ETV5: variants seen among roughly 807,000 people sequenced by gnomAD.
ETV5 encodes ETS translocation variant 5.
A neutral mutation model predicts 70.0 loss-of-function variants in ETV5; 10 were observed. The observed-to-expected ratio is 0.14, with a 90% CI of 0.09 to 0.24. The LOEUF (loss-of-function observed/expected upper bound fraction) is 0.24, where lower values mean the gene tolerates loss of function less well. ETV5 is among the 10% of genes least tolerant of loss of function. The pLI, the probability that ETV5 is intolerant of heterozygous loss-of-function variation, is 1.00. For missense variants in ETV5, 453 were observed against 651.2 expected, an observed-to-expected ratio of 0.70 and a Z score of 3.31; for synonymous variants, 216 against 242.2, an observed-to-expected ratio of 0.89 and a Z score of 1.01.
In ETV5 at chr3:186,052,145, A is replaced by G; in HGVS notation, c.1210-14T>C. On this transcript the variant is annotated splice_polypyrimidine_tract_variant and intron_variant, in intron 11 of 12. Coordinates refer to ENST00000306376, the MANE Select transcript of ETV5 (RefSeq NM_004454.3). The surrounding 1 kb of genome is among the most constrained non-coding windows in gnomAD (Gnocchi z 4.5). ...GCGCCGAGCAACCTGAAGAGACAGG[A>G]AAGTGAAGAGCAATGGAAACGCATT... 2.5e-6 allele frequency: 4 copies of G among 1,613,042 alleles called. No individual in the cohort carries two copies. Among genetic ancestry groups the G allele is most frequent in the African/African-American group, 2.7e-5 (2 of 75,008 alleles).
chr3:186,102,482 A>C (rs1004780530), intron 5 of ETV5, among the ~76,000 whole-genome samples: 2 of 151,726 alleles, frequency 1.3e-5, no homozygotes, highest in African/African-American at 4.8e-5. Context: ...AAAATACAAA[A>C]ATTAGCCAGG....
chr3:186,071,653 A>C (rs951955095), intron 7 of ETV5, among the ~76,000 whole-genome samples: 2 of 152,174 alleles, frequency 1.3e-5, no homozygotes, highest in African/African-American at 4.8e-5. Flanking sequence ...CCAAGCTAAA[A>C]TCAGAAGATA....
At chr3:186,053,976 C>G (rs539147026) in intron 11 of ETV5, among the ~76,000 whole-genome samples, 1 of 152,316 alleles carries the variant, frequency 6.6e-6, no homozygotes, top group East Asian at 1.9e-4. Context: ...GGGTGGAAAA[C>G]AATCCTTGAA....
At chr3:186,063,221 G>C (rs975539260) in intron 9 of ETV5, among the ~76,000 whole-genome samples, 4 of 152,178 alleles carry the variant, frequency 2.6e-5, no homozygotes, top group Non-Finnish European at 5.9e-5. Flanking sequence ...AGTGAGCGGA[G>C]ATCATGCCAC....
At chr3:186,076,172 G>A in intron 7 of ETV5, 1 of 226,442 alleles carries the variant, frequency 4.4e-6, no homozygotes, top group East Asian at 6.4e-5. Context: ...TTGTGGGGAG[G>A]AAATCACTGG....
intron 7 of ETV5, among the ~76,000 whole-genome samples, chr3:186,074,275 A>G (rs1054189202): frequency 2.0e-5 from 3 of 152,208 alleles, no homozygotes; most frequent in African/African-American, 7.2e-5. Context: ...AATTTATTCA[A>G]CTAAATAGAA....
chr3:186,083,090 A>C (rs1318611153), intron 5 of ETV5, among the ~76,000 whole-genome samples: 1 of 152,262 alleles, frequency 6.6e-6, no homozygotes, highest in Non-Finnish European at 1.5e-5. Context: ...TCAGACACAG[A>C]AAATAGCGAA....
chr3:186,064,238 A>G lies in ETV5; in HGVS notation c.970+179T>C, dbSNP rs373452750. The stretch of plus-strand genomic sequence containing the variant: ...CAATCAGCTCTCATATTCATGAGCT[A>G]AGCAAGGTTTAAACTATGATCTCAA... On this transcript the variant is annotated intron_variant, in intron 9 of 12. Coordinates refer to ENST00000306376, the MANE Select transcript of ETV5 (RefSeq NM_004454.3). 3.8e-5 allele frequency: 24 copies of G among 624,426 alleles called. No homozygotes were observed. In the African/African-American group the frequency reaches 3.9e-4, roughly 10 times the overall value. 38.7% of individuals were successfully genotyped at this position (624,426 alleles called of 1,614,324 possible). A position where few individuals can be genotyped will look rare whatever the true frequency, so the allele number is the denominator to read the frequency against.
chr3:186,091,510 C>A (rs373955335), intron 5 of ETV5, among the ~76,000 whole-genome samples: 1 of 152,034 alleles, frequency 6.6e-6, no homozygotes, highest in Non-Finnish European at 1.5e-5. Flanking sequence ...ATCTTCTGTA[C>A]AATAAATAAC....
intron 9 of ETV5, among the ~76,000 whole-genome samples, chr3:186,058,287 T>C (rs1380937483): frequency 1.3e-5 from 2 of 152,144 alleles, no homozygotes; most frequent in African/African-American, 4.8e-5. Context: ...CTTGTCAAGA[T>C]TGGTGGTTCA....
intron 1 of ETV5, chr3:186,108,432 C>A: frequency 9.3e-7 from 1 of 1,077,602 alleles, no homozygotes; most frequent in Non-Finnish European, 1.3e-6. Flanking sequence ...CCTGGTCGAC[C>A]CCCGCCCCCG....
rs146093207 is a variant in ETV5, at chr3:186,054,737, T to A, written c.1209+2338A>T. 9.3e-4 allele frequency among the ~76,000 whole-genome samples: 141 copies of A among 152,198 alleles called. No individual in the cohort carries two copies. Among genetic ancestry groups the A allele is most frequent in the African/African-American group, 3.3e-3 (135 of 41,524 alleles). On this transcript the variant is annotated intron_variant, in intron 11 of 12. Coordinates refer to ENST00000306376, the MANE Select transcript of ETV5 (RefSeq NM_004454.3). The surrounding 1 kb of genome is among the most constrained non-coding windows in gnomAD (Gnocchi z 4.4). Reference sequence around the variant, plus strand: ...TTCAAGCTCCCCCATGACGACTTCTTACAGCTTTTTCCAGAAGCTGGTATC... The same window carrying A: ...TTCAAGCTCCCCCATGACGACTTCTAACAGCTTTTTCCAGAAGCTGGTATC...
At chr3:186,067,076 C>T (rs2150145143) in intron 7 of ETV5, among the ~76,000 whole-genome samples, 1 of 152,308 alleles carries the variant, frequency 6.6e-6, no homozygotes, top group East Asian at 1.9e-4. Context: ...GGGCAGATCG[C>T]TTGAGGTCAG....
At chr3:186,094,211 A>G (rs1560055131) in intron 5 of ETV5, among the ~76,000 whole-genome samples, 2 of 152,190 alleles carry the variant, frequency 1.3e-5, no homozygotes, top group African/African-American at 4.8e-5. Flanking sequence ...CCTCCTCCCA[A>G]AAGAAGTGGT....
At chr3:186,084,728 G>A (rs1033660380) in intron 5 of ETV5, among the ~76,000 whole-genome samples, 6 of 152,154 alleles carry the variant, frequency 3.9e-5, no homozygotes, top group Admixed American at 2.0e-4. Flanking sequence ...GCTGCTATTC[G>A]AGGGGAGAAG....
chr3:186,075,824 C>T (rs973234860), intron 7 of ETV5, among the ~76,000 whole-genome samples: 1 of 152,194 alleles, frequency 6.6e-6, no homozygotes, highest in African/African-American at 2.4e-5. Context: ...TGGGTTTTAA[C>T]CTCTTTGGTT....
chr3:186,090,781 C>A (rs1411522376), intron 5 of ETV5, among the ~76,000 whole-genome samples: 1 of 152,158 alleles, frequency 6.6e-6, no homozygotes, highest in Non-Finnish European at 1.5e-5. Flanking sequence ...TGGGTTAGCC[C>A]TTTTTACCCC....
chr3:186,081,016 G>A, intron 6 of ETV5, 30 bp downstream of exon 6: 1 of 1,586,130 alleles, frequency 6.3e-7, no homozygotes, highest in Non-Finnish European at 8.6e-7. Context: ...TTTCTGGGCA[G>A]CCTTTCTTCG....
rs1400366788 is a variant in ETV5 at position 186,047,818 on chromosome 3, A to G, written c.*821T>C. ...TTTTTGTTTTTCGTTTTTTTGCTTT[A>G]AATACCAAAACTACAAAAATCAGTT... On this transcript the variant is annotated 3_prime_UTR_variant, in exon 13 of 13. Coordinates refer to ENST00000306376, the MANE Select transcript of ETV5 (RefSeq NM_004454.3). 2 of 233,468 alleles carry G rather than the reference A, an allele frequency of 8.6e-6. No homozygotes were observed. Among genetic ancestry groups the G allele is most frequent in the Admixed American group, 1.1e-4 (2 of 17,772 alleles). 14.5% of individuals were successfully genotyped at this position (233,468 alleles called of 1,614,324 possible).
Sources: allele counts gnomAD v4.1 joint callset (sites outside exome capture counted in the v4.1 genomes callset), GRCh38; gene constraint gnomAD v4.1.1; non-coding constraint Gnocchi (gnomAD v3.1); transcripts MANE v1.5; gene names NCBI Gene and HGNC (gene_info 2026-07-23, HGNC 2026-07-21).